Variants in SNX9 observed in about 807,000 individuals in gnomAD.
The protein encoded by SNX9 is sorting nexin 9, also known as sorting nexin-9.
Under a neutral mutation model 89.4 loss-of-function variants are expected in SNX9, and 44 were observed. The ratio of observed to expected loss-of-function variants is 0.49; its 90% CI spans 0.39 to 0.63. SNX9 has a LOEUF of 0.63. SNX9 is among the 30% of genes least tolerant of loss of function. The pLI is 0.00. For missense variants in SNX9, 578 were observed against 736.1 expected (o/e 0.79, Z 2.49); for synonymous variants, 236 against 247.8 (o/e 0.95, Z 0.45).
intron 9 of SNX9, among the ~76,000 whole-genome samples, chr6:157,914,688 G>T (rs547580903): frequency 2.0e-5 from 3 of 152,016 alleles, no homozygotes; most frequent in African/African-American, 7.2e-5. Context: ...CTGTTGCCTA[G>T]GCTGGTCTCG....
chr6:157,834,149 G>GTTTTTTTTTTTTTTT (rs1491214417), intron 1 of SNX9, among the ~76,000 whole-genome samples: 6 of 60,068 alleles, frequency 1.0e-4, no homozygotes, highest in African/African-American at 1.3e-4. Context: ...TGTCCACTGT[G>GTTTTTTTTTTTTTTT]GTTTTTTTTT....
chr6:157,917,385 T>G (rs1409044923), intron 9 of SNX9, among the ~76,000 whole-genome samples: 1 of 152,206 alleles, frequency 6.6e-6, no homozygotes, highest in Non-Finnish European at 1.5e-5. Flanking sequence ...AAACTTAGAT[T>G]ATTGTTTTGA....
chr6:157,845,904 T>G (rs1216401255), intron 1 of SNX9, among the ~76,000 whole-genome samples: 1 of 152,244 alleles, frequency 6.6e-6, no homozygotes, highest in Non-Finnish European at 1.5e-5. Context: ...ATTGACTCCC[T>G]TAATAAATCA....
At chr6:157,925,265 T>TCACA (rs1298089706) in intron 10 of SNX9, among the ~76,000 whole-genome samples, 3 of 151,012 alleles carry the variant, frequency 2.0e-5, no homozygotes, top group African/African-American at 7.4e-5. Flanking sequence ...CTAATCTCAT[T>TCACA]AGCAATCAAT....
chr6:157,883,104 T>C (rs1037692895), intron 4 of SNX9, among the ~76,000 whole-genome samples: 4 of 152,060 alleles, frequency 2.6e-5, no homozygotes, highest in East Asian at 1.9e-4. Flanking sequence ...CAGTCAGCAG[T>C]CATGAACATC....
rs867158480 is a variant in SNX9 at position 157,836,406 on chromosome 6, C to T, written c.12+12960C>T. On this transcript the variant is annotated intron_variant, in intron 1 of 17. Transcript: ENST00000392185. ...AGAAAGATATGGCAATGGTAATAAG[C>T]TTCCATCTGAGAGAGAAATTGAACT... Among the ~76,000 whole-genome samples the T allele has an allele frequency of 1.6e-4, 24 of 152,200 alleles. 1 individual carries two copies. The Middle Eastern group carries it at 0.01, about 65-fold the overall frequency.
intron 1 of SNX9, among the ~76,000 whole-genome samples, chr6:157,828,457 C>G (rs1781422287): frequency 6.6e-6 from 1 of 151,900 alleles, no homozygotes; most frequent in Non-Finnish European, 1.5e-5. Context: ...TCCCTAGGTA[C>G]TTTGTTTTTA....
chr6:157,826,583 CAGT>C (rs1300098941), intron 1 of SNX9, among the ~76,000 whole-genome samples: 1 of 149,434 alleles, frequency 6.7e-6, no homozygotes, highest in African/African-American at 2.5e-5. Flanking sequence ...ACTCCTTACT[CAGT>C]AGAGTGCTGC....
At chr6:157,873,827 G>A (rs2115141121) in intron 3 of SNX9, among the ~76,000 whole-genome samples, 1 of 152,114 alleles carries the variant, frequency 6.6e-6, no homozygotes, top group South Asian at 2.1e-4. Context: ...GGATCTCCTG[G>A]GTAGAGCTGT....
intron 1 of SNX9, among the ~76,000 whole-genome samples, chr6:157,861,616 A>G (rs1782123533): frequency 1.3e-5 from 2 of 152,204 alleles, no homozygotes; most frequent in Admixed American, 6.5e-5. Flanking sequence ...AGTAAGCGCA[A>G]GGTTGAGCAA....
At chr6:157,857,683 G>A (rs1782039325) in intron 1 of SNX9, among the ~76,000 whole-genome samples, 1 of 149,400 alleles carries the variant, frequency 6.7e-6, no homozygotes, top group Non-Finnish European at 1.5e-5. Flanking sequence ...AAGATTGGGG[G>A]CCATTCTTGT....
At chr6:157,909,015 T>C (rs747151171) in intron 7 of SNX9, among the ~76,000 whole-genome samples, 3 of 152,204 alleles carry the variant, frequency 2.0e-5, no homozygotes, top group Non-Finnish European at 4.4e-5. Context: ...AGAAAACAGC[T>C]AGCCTGGTTC....
chr6:157,897,173 A>G (rs1206218860), intron 5 of SNX9, among the ~76,000 whole-genome samples, 175 bp downstream of exon 5: 1 of 147,546 alleles, frequency 6.8e-6, no homozygotes, highest in Non-Finnish European at 1.5e-5. Flanking sequence ...AGCAGACACC[A>G]GCTGAGTGTC....
chr6:157,929,091 G>T (rs570310415), intron 12 of SNX9, among the ~76,000 whole-genome samples: 2 of 152,194 alleles, frequency 1.3e-5, no homozygotes, highest in African/African-American at 4.8e-5. Context: ...ATAGTGTTTA[G>T]AAAAACCAAT....
intron 1 of SNX9, among the ~76,000 whole-genome samples, chr6:157,865,078 G>T (rs370657602): frequency 6.6e-6 from 1 of 151,998 alleles, no homozygotes; most frequent in African/African-American, 2.4e-5. Flanking sequence ...GGTGGCTCAC[G>T]CCTGTAATCC....
At chr6:157,900,083 C>G (rs890851196) in intron 5 of SNX9, among the ~76,000 whole-genome samples, 3 of 152,136 alleles carry the variant, frequency 2.0e-5, no homozygotes, top group African/African-American at 2.4e-5. Flanking sequence ...ACCTGCATCT[C>G]CCTAGTTCCC....
intron 1 of SNX9, among the ~76,000 whole-genome samples, chr6:157,853,801 A>AC (rs527871611): frequency 6.6e-6 from 1 of 152,108 alleles, no homozygotes; most frequent in South Asian, 2.1e-4. Context: ...TAAAAAAAAA[A>AC]AACAACAAAG....
chr6:157,892,546 C>T (rs1782885480), intron 4 of SNX9: 1 of 151,992 alleles, frequency 6.6e-6, no homozygotes, highest in African/African-American at 2.4e-5. Flanking sequence ...AGGTGGAGAG[C>T]TAAGATCACA....
chr6:157,904,098 A>G (rs1244340253), intron 6 of SNX9, among the ~76,000 whole-genome samples: 4 of 152,238 alleles, frequency 2.6e-5, no homozygotes, highest in Non-Finnish European at 4.4e-5. Context: ...TAAATCTTAT[A>G]CTAGAAAAAG....
Sources: allele counts gnomAD v4.1 joint callset (sites outside exome capture counted in the v4.1 genomes callset), GRCh38; gene constraint gnomAD v4.1.1; transcripts MANE v1.5; gene names NCBI Gene and HGNC (gene_info 2026-07-23, HGNC 2026-07-21).